Variants in PLXNA2 observed in about 807,000 individuals in gnomAD.
PLXNA2 encodes plexin-A2.
A neutral mutation model predicts 193.5 loss-of-function variants in PLXNA2; 91 were observed. The ratio of observed to expected loss-of-function variants is 0.47; its 90% CI spans 0.40 to 0.56. The LOEUF is 0.56. Among genes scored for constraint, PLXNA2 ranks in the 20% least tolerant of loss-of-function variants. PLXNA2 has a pLI of 0.00. For missense variants in PLXNA2, 1,995 were observed against 2,503.2 expected, an observed-to-expected ratio of 0.80 and a Z score of 4.33; for synonymous variants, 997 against 1,027.3, an observed-to-expected ratio of 0.97 and a Z score of 0.56.
intron 1 of PLXNA2, among the ~76,000 whole-genome samples, chr1:208,228,676 C>T (rs1671590583): frequency 6.6e-6 from 1 of 152,166 alleles, no homozygotes; most frequent in African/African-American, 2.4e-5. Flanking sequence ...AAGTCCTTTC[C>T]CAGCTGGCTC....
At chr1:208,182,952 G>A (rs1669890989) in intron 3 of PLXNA2, among the ~76,000 whole-genome samples, 1 of 152,192 alleles carries the variant, frequency 6.6e-6, no homozygotes, top group Non-Finnish European at 1.5e-5. Context: ...TCAAGCTGGG[G>A]CTGCCAACCT....
At chr1:208,226,096 C>G (rs1294025135) in intron 1 of PLXNA2, among the ~76,000 whole-genome samples, 3 of 152,150 alleles carry the variant, frequency 2.0e-5, no homozygotes, top group Admixed American at 6.5e-5. Flanking sequence ...CTTCACCTAG[C>G]CCAGAAAACA....
chr1:208,059,155 T>C (rs1224954599), intron 13 of PLXNA2, among the ~76,000 whole-genome samples: 2 of 152,220 alleles, frequency 1.3e-5, no homozygotes, highest in Non-Finnish European at 2.9e-5. Context: ...TTGCCTAGTC[T>C]GGCAGGGTGC....
chr1:208,234,049 G>A (rs866067164), intron 1 of PLXNA2, among the ~76,000 whole-genome samples: 2 of 152,140 alleles, frequency 1.3e-5, no homozygotes, highest in Non-Finnish European at 2.9e-5. Context: ...AAGGAAGAGA[G>A]AGATGGGGGA....
chr1:208,030,059 G>A (rs1332468552), intron 29 of PLXNA2: 17 of 985,452 alleles, frequency 1.7e-5, no homozygotes, highest in South Asian at 9.4e-5. Flanking sequence ...GTAGTGCCAG[G>A]TCTTGGGGAA....
intron 3 of PLXNA2, among the ~76,000 whole-genome samples, chr1:208,194,458 T>C (rs1489823172): frequency 2.1e-5 from 1 of 48,386 alleles, no homozygotes; most frequent in African/African-American, 7.7e-5. Context: ...AGCAGCTTAC[T>C]GCAAAAAAAA....
At chr1:208,087,530 C>A (rs1243233416) in intron 9 of PLXNA2, among the ~76,000 whole-genome samples, 1 of 152,016 alleles carries the variant, frequency 6.6e-6, no homozygotes, top group Non-Finnish European at 1.5e-5. Context: ...CCAAGATTGC[C>A]CTAGTAGAAA....
At chr1:208,031,081 TCA>T in intron 29 of PLXNA2, 2 of 991,268 alleles carry the variant, frequency 2.0e-6, no homozygotes, top group South Asian at 4.5e-5. Context: ...GTCAGTGGGC[TCA>T]AGTCTATAGC....
intron 17 of PLXNA2, among the ~76,000 whole-genome samples, chr1:208,050,536 T>G (rs970266468): frequency 1.3e-5 from 2 of 152,234 alleles, no homozygotes; most frequent in Non-Finnish European, 2.9e-5. Flanking sequence ...CATTATAATA[T>G]AAAAATCATT....
At chr1:208,056,030 C>T (rs962715273) in intron 13 of PLXNA2, among the ~76,000 whole-genome samples, 3 of 152,204 alleles carry the variant, frequency 2.0e-5, no homozygotes, top group African/African-American at 7.2e-5. Flanking sequence ...ATATTTTACA[C>T]GTAACTGTCT....
chr1:208,101,196 A>G lies in PLXNA2; in HGVS notation c.1607+1951T>C, dbSNP rs957369245. On this transcript the variant is annotated intron_variant, in intron 5 of 31. Transcript: ENST00000367033. Reference sequence around the variant, plus strand: ...ACAGAGATAAATAGCCTTGGAGACAATAACACACTTGCAAGAGCAAGGCAT... The same window carrying G: ...ACAGAGATAAATAGCCTTGGAGACAGTAACACACTTGCAAGAGCAAGGCAT... 7.2e-5 allele frequency among the ~76,000 whole-genome samples: 11 copies of G among 152,332 alleles called. 1 individual carries two copies. Among genetic ancestry groups the G allele is most frequent in the Non-Finnish European group, 1.6e-4 (11 of 68,032 alleles).
chr1:208,089,999 A>AG (rs1322496597), intron 9 of PLXNA2, among the ~76,000 whole-genome samples: 1 of 152,162 alleles, frequency 6.6e-6, no homozygotes, highest in African/African-American at 2.4e-5. Flanking sequence ...GACAGAAAAG[A>AG]GGGGGGCCTG....
intron 4 of PLXNA2, among the ~76,000 whole-genome samples, chr1:208,109,899 C>T (rs946369805): frequency 6.6e-6 from 1 of 152,194 alleles, no homozygotes; most frequent in Admixed American, 6.5e-5. Context: ...CTCCTAGTAC[C>T]CAGTAGCTGT....
intron 2 of PLXNA2, among the ~76,000 whole-genome samples, chr1:208,212,879 C>T (rs1366835253): frequency 1.3e-5 from 2 of 152,256 alleles, no homozygotes; most frequent in African/African-American, 4.8e-5. Flanking sequence ...TCTACTGAAA[C>T]CAGCTGTGTG....
At chr1:208,134,265 C>G (rs770205813) in intron 4 of PLXNA2, among the ~76,000 whole-genome samples, 4 of 152,130 alleles carry the variant, frequency 2.6e-5, no homozygotes, top group Non-Finnish European at 4.4e-5. Flanking sequence ...ATATTAATAG[C>G]CAGAGAATCA....
intron 13 of PLXNA2, among the ~76,000 whole-genome samples, chr1:208,059,646 C>G (rs1173787852): frequency 6.6e-6 from 1 of 152,230 alleles, no homozygotes; most frequent in Non-Finnish European, 1.5e-5. Flanking sequence ...GCCTCAGCCA[C>G]TTATGCCCTG....
intron 17 of PLXNA2, among the ~76,000 whole-genome samples, chr1:208,047,163 G>T (rs977488260): frequency 6.6e-6 from 1 of 152,092 alleles, no homozygotes; most frequent in Non-Finnish European, 1.5e-5. Flanking sequence ...GTTTCACCAT[G>T]TTTGCCAGGC....
At chr1:208,145,109 G>A (rs1237666668) in intron 3 of PLXNA2, among the ~76,000 whole-genome samples, 1 of 152,146 alleles carries the variant, frequency 6.6e-6, no homozygotes, top group African/African-American at 2.4e-5. Context: ...AAAGTTCTTG[G>A]GCTATTGCAA....
At chr1:208,101,920 G>A (rs573240893) in intron 5 of PLXNA2, among the ~76,000 whole-genome samples, 36 of 152,134 alleles carry the variant, frequency 2.4e-4, no homozygotes, top group Non-Finnish European at 4.3e-4. Flanking sequence ...AAATTCTCTC[G>A]AGGAAAGACC....
Sources: gnomAD v4.1 joint callset for allele counts (sites outside exome capture counted in the v4.1 genomes callset) on GRCh38, gnomAD v4.1.1 for gene constraint, MANE v1.5 for transcripts, NCBI Gene and HGNC (gene_info 2026-07-23, HGNC 2026-07-21) for gene names.